The following PTPRM variants were observed in gnomAD, a reference collection of about 807,000 sequenced individuals.
The protein encoded by PTPRM is receptor-type tyrosine-protein phosphatase mu.
A neutral mutation model predicts 186.7 loss-of-function variants in PTPRM; 47 were observed. That is an observed-to-expected ratio of 0.25 (90% CI 0.20 to 0.32). PTPRM has a LOEUF of 0.32. Among genes scored for constraint, PTPRM ranks in the 10% least tolerant of loss-of-function variants. The pLI is 1.00. For synonymous variants in PTPRM, 668 were observed against 674.9 expected (o/e 0.99, Z 0.16); for missense variants, 1,494 against 1,865.0 (o/e 0.80, Z 3.66).
At chr18:7,697,918 T>C (rs756512754) in intron 1 of PTPRM, among the ~76,000 whole-genome samples, 2 of 152,308 alleles carry the variant, frequency 1.3e-5, no homozygotes, top group South Asian at 4.1e-4. Flanking sequence ...TTGTGCCAAT[T>C]ATTGCCAAGT....
chr18:7,706,047 G>A (rs2040081372), intron 1 of PTPRM, among the ~76,000 whole-genome samples: 1 of 148,834 alleles, frequency 6.7e-6, no homozygotes, highest in Admixed American at 6.7e-5. Context: ...ATATGTGTGT[G>A]TATATACATA....
intron 1 of PTPRM, among the ~76,000 whole-genome samples, chr18:7,637,483 G>A (rs1186849397): frequency 6.6e-6 from 1 of 152,188 alleles, no homozygotes; most frequent in Non-Finnish European, 1.5e-5. Context: ...TTACCCACTA[G>A]CATTGGGGCC....
intron 20 of PTPRM, among the ~76,000 whole-genome samples, chr18:8,311,706 G>A (rs538638856): frequency 5.6e-4 from 85 of 152,342 alleles, no homozygotes; most frequent in Non-Finnish European, 6.5e-4. Flanking sequence ...CCTGAGGGGA[G>A]TAAGGGCAAT....
intron 14 of PTPRM, among the ~76,000 whole-genome samples, chr18:8,182,783 C>T (rs1421822329): frequency 6.6e-6 from 1 of 152,168 alleles, no homozygotes; most frequent in African/African-American, 2.4e-5. Context: ...AATCTTGACT[C>T]ATAGCAGAAA....
intron 14 of PTPRM, among the ~76,000 whole-genome samples, chr18:8,231,970 C>T (rs2094292275): frequency 6.6e-6 from 1 of 152,170 alleles, no homozygotes; most frequent in African/African-American, 2.4e-5. Context: ...CTTCATAATG[C>T]ACCTACTATG....
intron 2 of PTPRM, among the ~76,000 whole-genome samples, chr18:7,830,986 A>G (rs572214857): frequency 6.6e-6 from 1 of 152,294 alleles, no homozygotes; most frequent in African/African-American, 2.4e-5. Context: ...AAAAATGTTG[A>G]GGGCAGTGAG....
intron 14 of PTPRM, among the ~76,000 whole-genome samples, chr18:8,217,875 T>C (rs1425034717): frequency 6.6e-6 from 1 of 152,248 alleles, no homozygotes; most frequent in East Asian, 1.9e-4. Context: ...TTGCACTTTT[T>C]TTTAACCATT....
intron 32 of PTPRM, among the ~76,000 whole-genome samples, chr18:8,396,293 G>T (rs1347587186): frequency 2.6e-5 from 4 of 152,222 alleles, no homozygotes; most frequent in Non-Finnish European, 5.9e-5. Flanking sequence ...TTGTGAGGTG[G>T]TTAACCTCAC....
At chr18:8,056,646 T>A in intron 7 of PTPRM, among the ~76,000 whole-genome samples, 1 of 151,294 alleles carries the variant, frequency 6.6e-6, no homozygotes, top group African/African-American at 2.4e-5. Context: ...AAAAGATAAA[T>A]GCACATTAGA....
rs1011860479 is a variant in PTPRM at position 8,106,940 on chromosome 18, A to T, written c.1857-6546A>T. On this transcript the variant is annotated intron_variant, in intron 11 of 32. Coordinates refer to ENST00000580170, the MANE Select transcript of PTPRM (RefSeq NM_001105244.2). ...TTGTATTCCAGCCCATCTGGCCCAA[A>T]GCACTGGAACTTTTCGGGACTGAAA... 3.3e-5 allele frequency among the ~76,000 whole-genome samples: 5 copies of T among 152,322 alleles called. No homozygotes were observed. In the East Asian group the frequency reaches 9.6e-4, roughly 29 times the overall value.
chr18:8,379,617 A>G (rs2148505236), intron 28 of PTPRM, among the ~76,000 whole-genome samples: 1 of 152,312 alleles, frequency 6.6e-6, no homozygotes, highest in South Asian at 2.1e-4. Flanking sequence ...TGGCTGGGGA[A>G]CAGGGGACAC....
In PTPRM at chr18:7,567,918, C is replaced by T. The variant is rs1238192379; in HGVS notation, c.73+27C>T. On this transcript the variant is annotated intron_variant, in intron 1 of 32. Coordinates refer to ENST00000580170, the MANE Select transcript of PTPRM (RefSeq NM_001105244.2). The surrounding 1 kb of genome is among the most constrained non-coding windows in gnomAD (Gnocchi z 4.3). The stretch of plus-strand genomic sequence containing the variant: ...TAAGCGGGACCGCCTCTGCCGCCCC[C>T]GAGGCGCGCGGGCCGGCGCGGGACG... 1.2e-5 allele frequency: 18 copies of T among 1,534,390 alleles called. 1 individual carries two copies. In the Admixed American group the frequency reaches 3.3e-4, roughly 28 times the overall value.
At chr18:7,571,187 G>C (rs944934554) in intron 1 of PTPRM, among the ~76,000 whole-genome samples, 5 of 152,182 alleles carry the variant, frequency 3.3e-5, no homozygotes, top group African/African-American at 1.2e-4. Flanking sequence ...TGATCTGCCT[G>C]CCTTGGCCTC....
At chr18:7,601,061 G>T (rs1348663413) in intron 1 of PTPRM, among the ~76,000 whole-genome samples, 4 of 152,198 alleles carry the variant, frequency 2.6e-5, no homozygotes, top group Non-Finnish European at 5.9e-5. Flanking sequence ...CCTGCATTGG[G>T]GCTGCAGAAG....
At chr18:8,289,388 T>TTG (rs72061179) in intron 19 of PTPRM, among the ~76,000 whole-genome samples, 5,606 of 139,262 alleles carry the variant, frequency 0.04, 172 homozygotes, top group African/African-American at 0.065. Flanking sequence ...CATGAAAACA[T>TTG]TGTGTGTGTG....
chr18:7,648,799 GTGCAGATGCAGAATCTGTTATCCAGATTC>G (rs2038626814), intron 1 of PTPRM, among the ~76,000 whole-genome samples: 1 of 152,216 alleles, frequency 6.6e-6, no homozygotes, highest in Non-Finnish European at 1.5e-5. Flanking sequence ...GAAGCAGCAA[GTGCAGATGCAGAATCTGTTATCCAGATTC>G]TGCAGATGCA....
chr18:8,388,688 G>A (rs556647242), intron 31 of PTPRM, among the ~76,000 whole-genome samples: 4 of 152,244 alleles, frequency 2.6e-5, no homozygotes, highest in South Asian at 2.1e-4. Flanking sequence ...TTGGCCAGGC[G>A]CAGTGGCTCA....
intron 23 of PTPRM, chr18:8,365,834 A>G (rs990153835): frequency 3.3e-5 from 5 of 152,288 alleles, no homozygotes; most frequent in African/African-American, 9.6e-5. Context: ...AGACATCTAG[A>G]GTCCAGATCA....
At chr18:7,681,835 T>C (rs372112807) in intron 1 of PTPRM, among the ~76,000 whole-genome samples, 5 of 152,284 alleles carry the variant, frequency 3.3e-5, no homozygotes, top group Admixed American at 2.0e-4. Context: ...TATGGTTTAA[T>C]TGGGTGGATA....
Sources: allele counts gnomAD v4.1 joint callset (sites outside exome capture counted in the v4.1 genomes callset), GRCh38; gene constraint gnomAD v4.1.1; non-coding constraint Gnocchi (gnomAD v3.1); transcripts MANE v1.5; gene names NCBI Gene and HGNC (gene_info 2026-07-23, HGNC 2026-07-21).